The following TCOF1 variants were observed in gnomAD, a reference collection of about 807,000 sequenced individuals.
The protein encoded by TCOF1 is treacle protein.
A neutral mutation model predicts 149.0 loss-of-function variants in TCOF1; 33 were observed. The ratio of observed to expected loss-of-function variants is 0.22; its 90% confidence interval spans 0.17 to 0.30. The LOEUF (loss-of-function observed/expected upper bound fraction) is 0.30, where lower values mean the gene tolerates loss of function less well. TCOF1 is among the 10% of genes least tolerant of loss of function. The probability of loss-of-function intolerance (pLI) is 1.00; values close to 1 mark genes in which losing one functional copy is unlikely to be tolerated. For missense variants in TCOF1, 1,728 were observed against 1,840.7 expected (o/e 0.94, Z 1.12); for synonymous variants, 789 against 738.8 (o/e 1.07, Z -1.10).
intron 2 of TCOF1, 40 bp downstream of exon 2, chr5:150,361,251 C>A: frequency 6.2e-7 from 1 of 1,610,570 alleles, no homozygotes; most frequent in Non-Finnish European, 8.5e-7. Context: ...GGGACGGACA[C>A]CCCAAGCAAC....
intron 6 of TCOF1, 146 bp downstream of exon 6, chr5:150,369,748 A>G: frequency 1.1e-6 from 1 of 908,180 alleles, no homozygotes; most frequent in Non-Finnish European, 1.7e-6. Context: ...GCAGCCGGAG[A>G]GGGGCAGGGA....
intron 2 of TCOF1, among the ~76,000 whole-genome samples, chr5:150,363,046 A>G (rs1359913278): frequency 3.9e-5 from 6 of 152,152 alleles, no homozygotes; most frequent in Admixed American, 2.0e-4. Context: ...ATCTCATTGC[A>G]TTGTGAGGGT....
At chr5:150,388,519 A>G (rs1274637946) in intron 18 of TCOF1, among the ~76,000 whole-genome samples, 1 of 152,212 alleles carries the variant, frequency 6.6e-6, no homozygotes, top group Non-Finnish European at 1.5e-5. Flanking sequence ...GACAGGACCA[A>G]TCTGAGGTTT....
chr5:150,389,167 C>T (rs1766895902), intron 18 of TCOF1, among the ~76,000 whole-genome samples: 1 of 152,102 alleles, frequency 6.6e-6, no homozygotes, highest in Admixed American at 6.5e-5. Flanking sequence ...AATAAAAATA[C>T]AGATTAGCAC....
Position 150,379,263 on chromosome 5 carries a change from C to A in TCOF1, c.2513C>A (p.Thr838Asn). The A allele has an allele frequency of 1.2e-6, 2 of 1,614,238 alleles. No homozygotes were observed. The highest frequency in any genetic ancestry group is 2.2e-5 in the South Asian group (2 of 91,086). Residue 838 changes from threonine to asparagine, a missense_variant, in exon 16 of 27, where the codon ACC becomes AAC. Thr to Asn is a moderately conservative substitution (Grantham distance 65). Around this residue, in one of 2 missense-constraint regions of TCOF1, gnomAD observed 1,696 missense variants for 1,765.4 expected, o/e 0.96. Transcript: ENST00000643257. ...CCAGTGAGAAACCCCCAGAACAGTA[C>A]CGTCTTGGCGAGGGGCCCAGCATCT... Reference protein sequence around the residue: ...KPPVRNPQNSTVLARGPASVP... With the variant: ...KPPVRNPQNSNVLARGPASVP...
At chr5:150,392,921 T>A in intron 22 of TCOF1, 131 bp downstream of exon 22, 1 of 1,126,566 alleles carries the variant, frequency 8.9e-7, no homozygotes, top group South Asian at 1.3e-5. Context: ...GGCAAGGTCC[T>A]GTCTGCAAGG....
intron 17 of TCOF1, 116 bp from the exon 18 acceptor site, chr5:150,387,786 G>T (rs547926093): frequency 6.8e-5 from 98 of 1,438,004 alleles, no homozygotes; most frequent in South Asian, 5.9e-4. Context: ...TCTGTGCCCA[G>T]CTGCCCCTGA....
In TCOF1 at chr5:150,396,733, A is replaced by G. The variant is rs1281951285; in HGVS notation, c.4236A>G (p.Gln1412=). 1.2e-6 allele frequency: 2 copies of G among 1,612,108 alleles called. No individual in the cohort carries two copies. The highest frequency in any genetic ancestry group is 1.3e-5 in the African/African-American group (1 of 74,868). The change falls in exon 24 of 27, where the codon CAA becomes CAG. Residue 1412 remains glutamine, a synonymous_variant. Coordinates refer to ENST00000643257, the MANE Select transcript of TCOF1 (RefSeq NM_001371623.1). ...EKKGKGSLGS[Q]GAKDEPEEEL... ...AAGGGAAGGGGTCTCTTGGCTCCCA[A>G]GGGGCCAAGGACGAGCCAGAAGAGG...
chr5:150,379,141 C>G, intron 15 of TCOF1, 88 bp from the exon 16 acceptor site: 1 of 1,613,722 alleles, frequency 6.2e-7, no homozygotes, highest in Non-Finnish European at 8.5e-7. Context: ...CATGGGCAGG[C>G]CACCCACCCA....
intron 1 of TCOF1, among the ~76,000 whole-genome samples, chr5:150,360,869 C>T (rs137901707): frequency 0.023 from 3,536 of 151,754 alleles, 373 homozygotes; most frequent in Admixed American, 0.18. Flanking sequence ...CCTGAGTAGC[C>T]GGGACCACCA....
In TCOF1 at chr5:150,391,671, G is replaced by A; in HGVS notation, c.3297+14G>A. On this transcript the variant is annotated intron_variant, in intron 20 of 26. Transcript: ENST00000643257. ...CCTTCAAGTGGGGTGAGCTTGGGGA[G>A]CCAGGGGAAGCAAGCCCACGGAGCG... The A allele has an allele frequency of 6.2e-7, 1 of 1,609,418 alleles. No individual in the cohort carries two copies. Among genetic ancestry groups the A allele is most frequent in the Non-Finnish European group, 8.5e-7 (1 of 1,177,064 alleles).
chr5:150,388,004 C>G lies in TCOF1; in HGVS notation c.2962C>G (p.Arg988Gly), dbSNP rs119470017. 6.2e-7 allele frequency: 1 copy of G among 1,613,810 alleles called. No individual in the cohort carries two copies. The highest frequency in any genetic ancestry group is 8.5e-7 in the Non-Finnish European group (1 of 1,180,030). ...GGCTGCAAGCACCCCGAGGAAGGCC[C>G]GAGCCTCGGAGAGCACAGCCAGGAG... ...AQAASTPRKA[R>G]ASESTARSSS... Residue 988 changes from arginine (R) to glycine (G), a missense_variant, in exon 18 of 27, where the codon CGA (arginine) becomes GGA (glycine). By Grantham distance (125) the Arg-to-Gly change is moderately radical. This residue lies in a region of TCOF1 where 1,696 missense variants were observed against 1,765.4 expected (regional missense o/e 0.96). Coordinates refer to ENST00000643257, the MANE Select transcript of TCOF1 (RefSeq NM_001371623.1).
intron 21 of TCOF1, 139 bp downstream of exon 21, chr5:150,392,315 C>T (rs1307877998): frequency 1.4e-5 from 11 of 811,124 alleles, no homozygotes; most frequent in Non-Finnish European, 2.1e-5. Context: ...AGTTTCCCCA[C>T]CTGTACAACT....
intron 24 of TCOF1, among the ~76,000 whole-genome samples, 158 bp downstream of exon 24, chr5:150,397,000 A>G (rs1029854376): frequency 6.6e-6 from 1 of 152,080 alleles, no homozygotes; most frequent in African/African-American, 2.4e-5. Flanking sequence ...TCTACTAAAA[A>G]TACAAAAAAT....
intron 17 of TCOF1, chr5:150,385,086 T>A: frequency 1.0e-6 from 1 of 985,124 alleles, no homozygotes; most frequent in South Asian, 4.7e-5. Context: ...ATATGTTAAA[T>A]AACTTAATTT....
intron 3 of TCOF1, among the ~76,000 whole-genome samples, chr5:150,366,639 C>CTTTT (rs1204091560): frequency 9.3e-5 from 6 of 64,382 alleles, no homozygotes; most frequent in Non-Finnish European, 1.5e-4. Flanking sequence ...CAACATTCTT[C>CTTTT]TTTTTTTTTT....
At position 150,398,398 on chromosome 5, in the gene TCOF1, A is replaced by G; in HGVS notation, c.4390A>G (p.Lys1464Glu). 6.2e-7 allele frequency: 1 copy of G among 1,614,064 alleles called. No individual in the cohort carries two copies. The highest frequency in any genetic ancestry group is 8.5e-7 in the Non-Finnish European group (1 of 1,180,016). The change falls in exon 25 of 27, where the codon AAG becomes GAG. Residue 1464 changes from lysine to glutamate, a missense_variant. Physicochemically the swap from Lys to Glu is moderately conservative, Grantham distance 56 (BLOSUM62 1). Coordinates refer to ENST00000643257, the MANE Select transcript of TCOF1 (RefSeq NM_001371623.1). ...AAAAGAAAAGAAGAAGAAAGCAAAA[A>G]AGGCCTCAACCAAAGATTCTGAGTC... ...EKKEKKKKAKKASTKDSESPS... is the reference protein window; with the variant it reads ...EKKEKKKKAKEASTKDSESPS...
intron 12 of TCOF1, 67 bp downstream of exon 12, chr5:150,375,976 A>C: frequency 6.2e-7 from 1 of 1,613,606 alleles, no homozygotes; most frequent in Non-Finnish European, 8.5e-7. Context: ...ACCCCCGGGG[A>C]GCTGTGCTCC....
In TCOF1 at chr5:150,391,575, T is replaced by A. The variant is rs2151031405; in HGVS notation, c.3215T>A (p.Leu1072Gln). ...VSKKNPASLPLTQAALKVLAQ... is the reference protein window; with the variant it reads ...VSKKNPASLPQTQAALKVLAQ... ...AAGAAGAACCCAGCTTCCCTCCCAC[T>A]GACCCAGGCTGCCCTGAAGGTCCTC... Residue 1072 changes from leucine to glutamine, a missense_variant, in exon 20 of 27, where the codon CTG becomes CAG. Coordinates refer to ENST00000643257, the MANE Select transcript of TCOF1 (RefSeq NM_001371623.1). 1 of 1,614,152 alleles carries A rather than the reference T, an allele frequency of 6.2e-7. No homozygotes were observed. Among genetic ancestry groups the A allele is most frequent in the Non-Finnish European group, 8.5e-7 (1 of 1,180,032 alleles).
Sources: gnomAD v4.1 joint callset for allele counts (sites outside exome capture counted in the v4.1 genomes callset) on GRCh38, gnomAD v4.1.1 for gene constraint, gnomAD v4.1.1 regional missense constraint, MANE v1.5 for transcripts, NCBI Gene and HGNC (gene_info 2026-07-23, HGNC 2026-07-21) for gene names.